The following LIMA1 variants were observed in gnomAD, a reference collection of about 807,000 sequenced individuals.
LIMA1 encodes LIM domain and actin binding 1.
LIMA1 carries 52 observed loss-of-function variants against 62.6 expected under a neutral mutation model. The ratio of observed to expected loss-of-function variants is 0.83; its 90% CI spans 0.67 to 1.05. The LOEUF (loss-of-function observed/expected upper bound fraction) is 1.05, where lower values mean the gene tolerates loss of function less well. LIMA1 is among the 50% of genes least tolerant of loss of function. LIMA1 has a pLI of 0.00. For synonymous variants in LIMA1, 302 were observed against 317.8 expected (o/e 0.95, Z 0.53); for missense variants, 780 against 902.2 (o/e 0.86, Z 1.74).
intron 8 of LIMA1, among the ~76,000 whole-genome samples, chr12:50,194,223 A>C (rs1200344879): frequency 1.3e-5 from 2 of 151,816 alleles, no homozygotes; most frequent in African/African-American, 4.8e-5. Flanking sequence ...TCCTGACCTC[A>C]GGTGATCCAC....
intron 10 of LIMA1, among the ~76,000 whole-genome samples, chr12:50,181,367 G>A (rs1940498321): frequency 6.6e-6 from 1 of 152,152 alleles, no homozygotes; most frequent in Admixed American, 6.5e-5. Flanking sequence ...AAGACTCTAT[G>A]ATTAAAATGA....
chr12:50,248,391 TA>T (rs1353264005), intron 2 of LIMA1, among the ~76,000 whole-genome samples: 1 of 152,214 alleles, frequency 6.6e-6, no homozygotes, highest in Non-Finnish European at 1.5e-5. Context: ...TTATCTTTTT[TA>T]AAATAATTTT....
rs372523452 is a variant in LIMA1, at chr12:50,177,284, T to A, written c.2060A>T (p.Asp687Val). 1.5e-5 allele frequency: 24 copies of A among 1,614,238 alleles called. No individual in the cohort carries two copies. In the East Asian group the frequency reaches 2.9e-4, roughly 19 times the overall value. The change falls in exon 11 of 11, where the codon GAT becomes GTT. Residue 687 changes from aspartate to valine, a missense_variant. By Grantham distance (152) the Asp-to-Val change is radical (BLOSUM62 -3). Coordinates refer to ENST00000341247, the MANE Select transcript of LIMA1 (RefSeq NM_016357.5). ...TTTGAGGAAGCTGTTATCATCTTCA[T>A]CGGAGTCTGCACCATTTTCTACAAG... Reference protein sequence around the residue: ...ENLVENGADSDEDDNSFLKQQ... With the variant: ...ENLVENGADSVEDDNSFLKQQ...
intron 2 of LIMA1, among the ~76,000 whole-genome samples, chr12:50,240,894 AAG>A: frequency 6.6e-6 from 1 of 152,290 alleles, no homozygotes; most frequent in East Asian, 1.9e-4. Flanking sequence ...AACAAATGAT[AAG>A]AGAGACTGAC....
At position 50,197,991 on chromosome 12, in the gene LIMA1, A is replaced by C. The variant is rs12305803; in HGVS notation, c.973-2104T>G. Among the ~76,000 whole-genome samples the C allele has an allele frequency of 2.8e-3, 430 of 152,344 alleles. 3 individuals are homozygous for C. The highest frequency in any genetic ancestry group is 9.6e-3 in the African/African-American group (398 of 41,586). On this transcript the variant is annotated intron_variant, in intron 7 of 10. Transcript: ENST00000341247. ...GTCCACTGCTGCAAGGATGTTTGCA[A>C]TTTATGGGGGATTATATGACCATGT... is the stretch of plus-strand genomic sequence containing the variant.
At chr12:50,204,515 GGAATGAAT>G (rs762474052) in intron 6 of LIMA1, 29 bp downstream of exon 6, 10 of 1,590,640 alleles carry the variant, frequency 6.3e-6, no homozygotes, top group African/African-American at 5.4e-5. Flanking sequence ...GCTGGATGAT[GGAATGAAT>G]GAATGAATGA....
chr12:50,190,534 ATT>A (rs11359577), intron 9 of LIMA1, among the ~76,000 whole-genome samples: 2,201 of 124,036 alleles, frequency 0.018, 71 homozygotes, highest in African/African-American at 0.063. Context: ...TGCCCGGCTA[ATT>A]TTTTTTTTTT....
intron 6 of LIMA1, among the ~76,000 whole-genome samples, chr12:50,203,978 G>T (rs1238562133): frequency 6.6e-6 from 1 of 152,114 alleles, no homozygotes; most frequent in Non-Finnish European, 1.5e-5. Context: ...TCAGGGTGAT[G>T]GAAAGGTTCT....
chr12:50,221,667 A>C (rs911588338), intron 4 of LIMA1, among the ~76,000 whole-genome samples: 2 of 152,206 alleles, frequency 1.3e-5, no homozygotes, highest in East Asian at 1.9e-4. Flanking sequence ...CCAAGCAGAG[A>C]GCTATTCAGC....
intron 10 of LIMA1, among the ~76,000 whole-genome samples, chr12:50,180,935 A>AC (rs369232565): frequency 1.6e-4 from 24 of 151,706 alleles, no homozygotes; most frequent in African/African-American, 5.6e-4. Flanking sequence ...ACATGGTGAA[A>AC]CCCCTTCTCT....
intron 9 of LIMA1, among the ~76,000 whole-genome samples, chr12:50,183,296 C>T (rs1456810035): frequency 6.6e-6 from 1 of 152,128 alleles, no homozygotes; most frequent in East Asian, 1.9e-4. Context: ...TAACCCTTGA[C>T]TTGCCCAACA....
At chr12:50,225,425 C>CT (rs893727029) in intron 3 of LIMA1, among the ~76,000 whole-genome samples, 4 of 152,120 alleles carry the variant, frequency 2.6e-5, no homozygotes, top group Non-Finnish European at 4.4e-5. Flanking sequence ...TATATGTTGT[C>CT]TTTTTTTCTA....
intron 1 of LIMA1, among the ~76,000 whole-genome samples, chr12:50,279,046 C>T (rs1171865017): frequency 2.7e-5 from 4 of 149,408 alleles, no homozygotes; most frequent in African/African-American, 9.9e-5. Flanking sequence ...TGCTTTGTCA[C>T]CCAGGCTGGA....
At chr12:50,245,409 T>C (rs1941833775) in intron 2 of LIMA1, among the ~76,000 whole-genome samples, 1 of 141,596 alleles carries the variant, frequency 7.1e-6, no homozygotes, top group Non-Finnish European at 1.5e-5. Flanking sequence ...TATGACCCTG[T>C]CTCAAAAAAA....
In LIMA1 at chr12:50,195,539, A is replaced by G. The variant is rs1007813587; in HGVS notation, c.1030+291T>C. 57 of 273,224 alleles carry G rather than the reference A, an allele frequency of 2.1e-4. 1 individual carries two copies. The highest frequency in any genetic ancestry group is 2.0e-5 in the Non-Finnish European group (3 of 148,502). 16.9% of individuals were successfully genotyped at this position (273,224 alleles called of 1,614,324 possible). A position where few individuals can be genotyped will look rare whatever the true frequency, so the allele number is the denominator to read the frequency against. On this transcript the variant is annotated intron_variant, in intron 8 of 10. Transcript: ENST00000341247. ...ACTTCTGTTAAAATGAAACTTCAAA[A>G]TTAGTTTATACAGCTTCAATTCTGA... is the stretch of plus-strand genomic sequence containing the variant.
chr12:50,240,282 C>T (rs1941758663), intron 2 of LIMA1, among the ~76,000 whole-genome samples: 1 of 152,020 alleles, frequency 6.6e-6, no homozygotes, highest in Admixed American at 6.6e-5. Context: ...GGGGAAAGGG[C>T]AGGCAATGAG....
chr12:50,220,613 T>C (rs983524321), intron 4 of LIMA1: 2 of 152,160 alleles, frequency 1.3e-5, no homozygotes, highest in African/African-American at 4.8e-5. Flanking sequence ...CCTAGCAGGG[T>C]CTGGGAGGAG....
At chr12:50,274,993 A>G (rs1942258932) in intron 1 of LIMA1, among the ~76,000 whole-genome samples, 1 of 152,200 alleles carries the variant, frequency 6.6e-6, no homozygotes, top group South Asian at 2.1e-4. Flanking sequence ...ATTTTATTCT[A>G]TGTGTGATAC....
intron 1 of LIMA1, among the ~76,000 whole-genome samples, chr12:50,268,167 A>G (rs940907870): frequency 4.6e-5 from 7 of 152,188 alleles, no homozygotes; most frequent in African/African-American, 1.4e-4. Flanking sequence ...TATACAGATG[A>G]GTGCCTCGTT....
Sources: allele counts gnomAD v4.1 joint callset (sites outside exome capture counted in the v4.1 genomes callset), GRCh38; gene constraint gnomAD v4.1.1; transcripts MANE v1.5; gene names NCBI Gene and HGNC (gene_info 2026-07-23, HGNC 2026-07-21).